MREG: variants seen among roughly 807,000 people sequenced by gnomAD.
The protein encoded by MREG is dilute suppressor protein homolog.
Under a neutral mutation model 28.5 loss-of-function variants are expected in MREG, and 31 were observed. That is an observed-to-expected ratio of 1.09 (90% CI 0.82 to 1.47). The LOEUF (loss-of-function observed/expected upper bound fraction) is 1.47, where lower values mean the gene tolerates loss of function less well. Ranked by LOEUF, MREG falls within the 40% of genes most tolerant of loss-of-function variation. The pLI is 0.00. For synonymous variants in MREG, 106 were observed against 95.2 expected (o/e 1.11, Z -0.66); for missense variants, 256 against 257.4 (o/e 0.99, Z 0.04).
chr2:216,022,762 C>T (rs1214982289), intron 1 of MREG, among the ~76,000 whole-genome samples: 1 of 152,190 alleles, frequency 6.6e-6, no homozygotes, highest in African/African-American at 2.4e-5. Flanking sequence ...AGCCTAGACC[C>T]AGCTATCATC....
chr2:215,945,069 A>G (rs1574585797), intron 4 of MREG, 72 bp from the exon 5 acceptor site: 1 of 1,442,958 alleles, frequency 6.9e-7, no homozygotes, highest in East Asian at 2.4e-5. Flanking sequence ...GGGAAAAAGC[A>G]ATCTAACAAC....
At chr2:215,953,783 TC>T (rs1394363721) in intron 2 of MREG, among the ~76,000 whole-genome samples, 1 of 152,242 alleles carries the variant, frequency 6.6e-6, no homozygotes, top group Non-Finnish European at 1.5e-5. Flanking sequence ...CAACTGGAGT[TC>T]TTTTTCTGGC....
At chr2:215,954,709 T>TTC (rs1692578518) in intron 2 of MREG, among the ~76,000 whole-genome samples, 1 of 151,890 alleles carries the variant, frequency 6.6e-6, no homozygotes. Context: ...CTATTTTATT[T>TTC]TTTTTTTTTT....
In MREG at chr2:216,013,540, G is replaced by A. The variant is rs1694376019; in HGVS notation, c.-213C>T. ...CCTCCTCTCCTTGCGTTTTGTTTGGGGCGTGAGTTTTCTTCGGGCTTTTTT... is the reference window on the plus strand; with the variant it reads ...CCTCCTCTCCTTGCGTTTTGTTTGGAGCGTGAGTTTTCTTCGGGCTTTTTT... On this transcript the variant is annotated 5_prime_UTR_variant, in exon 1 of 5. Coordinates refer to ENST00000263268, the MANE Select transcript of MREG (RefSeq NM_018000.3). The A allele has an allele frequency of 5.9e-6, 1 of 170,910 alleles. No individual in the cohort carries two copies. Among genetic ancestry groups the A allele is most frequent in the Admixed American group, 6.3e-5 (1 of 15,970 alleles). 10.6% of individuals were successfully genotyped at this position (170,910 alleles called of 1,614,324 possible).
rs1694363785 is a variant in MREG at position 216,013,285 on chromosome 2, C to CA, written c.42_43insT (p.Gly15TrpfsTer12). Reference sequence around the variant, plus strand: ...GCGCGCTCCTCCAAGCACTCGCACCCGCAGCAGCAGCACACGGTTCTCAGC... The same window carrying CA: ...GCGCGCTCCTCCAAGCACTCGCACCCAGCAGCAGCAGCACACGGTTCTCAGC... On this transcript the variant is annotated frameshift_variant, in exon 1 of 5. Transcript: ENST00000263268. LOFTEE classifies it high-confidence loss of function. The CA allele has an allele frequency of 7.7e-6, 12 of 1,548,900 alleles. No homozygotes were observed. In the East Asian group the frequency reaches 2.7e-4, roughly 35 times the overall value.
intron 2 of MREG, among the ~76,000 whole-genome samples, chr2:215,969,528 A>G (rs1261467205): frequency 6.6e-6 from 1 of 152,208 alleles, no homozygotes; most frequent in Non-Finnish European, 1.5e-5. Context: ...GCCCGTTTCC[A>G]TATTGTAAGG....
At chr2:216,024,111 C>T (rs1408221511) in intron 1 of MREG, among the ~76,000 whole-genome samples, 2 of 152,172 alleles carry the variant, frequency 1.3e-5, no homozygotes, top group African/African-American at 4.8e-5. Context: ...TCTCCCTTGC[C>T]ATGCCGAGCC....
Position 215,943,347 on chromosome 2 carries a change from G to T in MREG, c.*1516C>A. 1 of 456,132 alleles carries T rather than the reference G, an allele frequency of 2.2e-6. No individual in the cohort carries two copies. The highest frequency in any genetic ancestry group is 4.4e-6 in the Non-Finnish European group (1 of 226,674). The allele number at this position is 456,132 out of a possible 1,614,324, so 28.3% of individuals were successfully genotyped here. On this transcript the variant is annotated 3_prime_UTR_variant, in exon 5 of 5. Transcript: ENST00000263268. ...AGAAGCAAGCTGCATTCACAGCATTGCTCCCTTTTGAAAATTATCTTCTGA... is the reference window on the plus strand; with the variant it reads ...AGAAGCAAGCTGCATTCACAGCATTTCTCCCTTTTGAAAATTATCTTCTGA...
intron 2 of MREG, among the ~76,000 whole-genome samples, chr2:215,952,786 T>A (rs2888383): frequency 0.082 from 12,451 of 152,104 alleles, 543 homozygotes; most frequent in Non-Finnish European, 0.099. Context: ...CTTCTTCCAG[T>A]CTAATTCCTC....
intron 2 of MREG, among the ~76,000 whole-genome samples, chr2:215,975,008 TTATATATA>T (rs58937716): frequency 2.8e-5 from 3 of 106,608 alleles, no homozygotes; most frequent in South Asian, 2.9e-4. Context: ...TTTATATGAA[TTATATATA>T]TATATATATA....
chr2:215,947,314 C>G (rs1227153859), intron 2 of MREG, among the ~76,000 whole-genome samples: 1 of 152,212 alleles, frequency 6.6e-6, no homozygotes, highest in African/African-American at 2.4e-5. Flanking sequence ...CTGCTCTGCA[C>G]CAGGTGATAT....
Position 216,013,466 on chromosome 2 carries a change from C to A in MREG, c.-139G>T. The A allele has an allele frequency of 3.1e-6, 1 of 325,540 alleles. No homozygotes were observed. 20.2% of individuals were successfully genotyped at this position (325,540 alleles called of 1,614,324 possible). On this transcript the variant is annotated 5_prime_UTR_variant, in exon 1 of 5. Coordinates refer to ENST00000263268, the MANE Select transcript of MREG (RefSeq NM_018000.3). ...CCCGGGCGTCGCGGGCTGGTCCGCGCGCATCACGCCGCGGCCGGGGACGCG... is the reference window on the plus strand; with the variant it reads ...CCCGGGCGTCGCGGGCTGGTCCGCGAGCATCACGCCGCGGCCGGGGACGCG...
chr2:215,994,382 G>A (rs1693803722), intron 2 of MREG, among the ~76,000 whole-genome samples: 1 of 151,546 alleles, frequency 6.6e-6, no homozygotes, highest in Admixed American at 6.6e-5. Flanking sequence ...GGGACACGGG[G>A]AGGGGAACGT....
intron 1 of MREG, among the ~76,000 whole-genome samples, chr2:216,026,721 T>TACAC (rs144405857): frequency 2.6e-5 from 4 of 151,182 alleles, no homozygotes; most frequent in African/African-American, 9.7e-5. Context: ...GGGTAAAACA[T>TACAC]ACACACACAC....
intron 1 of MREG, among the ~76,000 whole-genome samples, chr2:216,030,755 G>A (rs1337278039): frequency 6.7e-6 from 1 of 149,690 alleles, no homozygotes; most frequent in African/African-American, 2.5e-5. Flanking sequence ...TAGAGAGAAG[G>A]TTTCACCATG....
At chr2:216,033,439 A>G (rs1694742560), upstream of MREG, among the ~76,000 whole-genome samples, 1 of 152,088 alleles carries the variant, frequency 6.6e-6, no homozygotes, top group South Asian at 2.1e-4. Flanking sequence ...ACTCCAGTGC[A>G]CTCTAAAATC....
chr2:216,031,894 A>G (rs1265919204), intron 1 of MREG, among the ~76,000 whole-genome samples: 1 of 152,146 alleles, frequency 6.6e-6, no homozygotes, highest in Non-Finnish European at 1.5e-5. Flanking sequence ...ATCTTTTACT[A>G]TAAACTCTAA....
intron 1 of MREG, among the ~76,000 whole-genome samples, chr2:216,028,931 A>G (rs1456599317): frequency 6.6e-6 from 1 of 152,120 alleles, no homozygotes; most frequent in Non-Finnish European, 1.5e-5. Context: ...GAAGAAAAAA[A>G]TAAGGCTTTT....
chr2:216,027,859 GT>G (rs57170425), intron 1 of MREG, among the ~76,000 whole-genome samples: 20,957 of 152,146 alleles, frequency 0.14, 1,771 homozygotes, highest in South Asian at 0.22. Flanking sequence ...TCATTCACAA[GT>G]TGCATTGTTT....
Sources: gnomAD v4.1 joint callset for allele counts (sites outside exome capture counted in the v4.1 genomes callset) on GRCh38, gnomAD v4.1.1 for gene constraint, MANE v1.5 for transcripts, NCBI Gene and HGNC (gene_info 2026-07-23, HGNC 2026-07-21) for gene names.